Variants in ZNF83 observed in about 807,000 individuals in gnomAD.
The protein encoded by ZNF83 is zinc finger protein 816B.
For missense variants in ZNF83, 552 were observed against 629.9 expected, an observed-to-expected ratio of 0.88 and a Z score of 1.32; for synonymous variants, 209 against 213.0, an observed-to-expected ratio of 0.98 and a Z score of 0.17.
chr19:52,663,728 A>C (rs2061609028), intron 1 of ZNF83, among the ~76,000 whole-genome samples: 1 of 152,260 alleles, frequency 6.6e-6, no homozygotes. Context: ...TGAACACAAT[A>C]AATTTCAGAG....
intron 1 of ZNF83, among the ~76,000 whole-genome samples, chr19:52,661,575 C>G (rs1373433033): frequency 6.6e-6 from 1 of 152,178 alleles, no homozygotes; most frequent in Non-Finnish European, 1.5e-5. Context: ...TAATAGCAAT[C>G]TTTGATAGAA....
intron 2 of ZNF83, among the ~76,000 whole-genome samples, chr19:52,629,815 T>C (rs1168995031): frequency 6.6e-6 from 1 of 152,066 alleles, no homozygotes; most frequent in Non-Finnish European, 1.5e-5. Context: ...TATTACCCAA[T>C]CTGCTCCCGA....
At chr19:52,639,413 C>CTTTTTTTT (rs1206783591), upstream of ZNF83, among the ~76,000 whole-genome samples, 481 of 53,474 alleles carry the variant, frequency 9.0e-3, 3 homozygotes, top group African/African-American at 0.011. Flanking sequence ...TTAGTTTTTT[C>CTTTTTTTT]TATTTTTTTT....
chr19:52,623,378 C>T (rs1463562757), intron 2 of ZNF83, among the ~76,000 whole-genome samples: 7 of 152,170 alleles, frequency 4.6e-5, no homozygotes, highest in Admixed American at 4.6e-4. Context: ...TCCCTTGCCT[C>T]CATAACTGTT....
chr19:52,678,973 C>CA (rs11365430), intron 1 of ZNF83, among the ~76,000 whole-genome samples: 1,890 of 138,386 alleles, frequency 0.014, 15 homozygotes, highest in Non-Finnish European at 0.019. Flanking sequence ...GACTCCATCT[C>CA]AAAAAAAAAA....
intron 2 of ZNF83, among the ~76,000 whole-genome samples, chr19:52,633,691 A>G (rs923726607): frequency 4.6e-5 from 7 of 152,156 alleles, no homozygotes; most frequent in Admixed American, 3.9e-4. Context: ...CAGGCGGATC[A>G]CCTGAGGTCG....
rs2061462550 is a variant in ZNF83 at position 52,652,990 on chromosome 19, C to T, written c.-74+2571G>A. On this transcript the variant is annotated intron_variant, in intron 3 of 5. Coordinates refer to the ZNF83 transcript ENST00000594682. ...CTCATTACACCTGTAAGGTTTCTCT[C>T]CAGTATGAACTCTCTGATGTTGTGC... 1.4e-5 allele frequency: 19 copies of T among 1,363,634 alleles called. No individual in the cohort carries two copies. The South Asian group carries it at 2.1e-4, about 15-fold the overall frequency. The allele number at this position is 1,363,634 out of a possible 1,614,324, so 84.5% of individuals were successfully genotyped here.
chr19:52,660,373 AAC>A (rs1340103429), intron 2 of ZNF83, among the ~76,000 whole-genome samples: 1 of 151,884 alleles, frequency 6.6e-6, no homozygotes, highest in Non-Finnish European at 1.5e-5. Context: ...TATTCTTAGC[AAC>A]AGTGAAAAAC....
chr19:52,667,888 C>T (rs528896289), intron 1 of ZNF83, among the ~76,000 whole-genome samples: 71 of 152,038 alleles, frequency 4.7e-4, no homozygotes, highest in Non-Finnish European at 8.7e-4. Context: ...TGAAATGTAG[C>T]TTATCTGGTA....
chr19:52,686,565 T>C (rs1168388164), intron 1 of ZNF83, among the ~76,000 whole-genome samples: 1 of 151,608 alleles, frequency 6.6e-6, no homozygotes, highest in African/African-American at 2.4e-5. Flanking sequence ...CCCTTTTATT[T>C]TTTATTTTTT....
Position 52,656,608 on chromosome 19 carries a change from C to T in ZNF83, c.-200-921G>A, listed in dbSNP as rs950612709. On this transcript the variant is annotated intron_variant, in intron 2 of 5. Coordinates refer to the ZNF83 transcript ENST00000594682. The stretch of plus-strand genomic sequence containing the variant: ...CTTGGCTTGGCATGGTGGCTCACAC[C>T]TATAATCCGAACACTTATGGAGGCT... Among the ~76,000 whole-genome samples the T allele has an allele frequency of 2.6e-5, 4 of 152,226 alleles. No homozygotes were observed. The East Asian group carries it at 7.7e-4, about 29-fold the overall frequency.
chr19:52,639,126 G>C (rs1429644755), upstream of ZNF83, among the ~76,000 whole-genome samples: 1 of 152,114 alleles, frequency 6.6e-6, no homozygotes, highest in Non-Finnish European at 1.5e-5. Flanking sequence ...TCTTGAGATG[G>C]AGTTTTGCTC....
At chr19:52,688,549 T>C (rs1442766689) in intron 1 of ZNF83, among the ~76,000 whole-genome samples, 1 of 151,830 alleles carries the variant, frequency 6.6e-6, no homozygotes, top group Non-Finnish European at 1.5e-5. Context: ...CTCTAGCTCT[T>C]GTTTTATTTT....
intron 1 of ZNF83, among the ~76,000 whole-genome samples, chr19:52,668,499 G>A (rs1429175838): frequency 6.6e-6 from 1 of 152,132 alleles, no homozygotes; most frequent in East Asian, 1.9e-4. Flanking sequence ...AGAGGTCACT[G>A]GAAAGGATCC....
At chr19:52,621,597 G>T (rs1001399487) in intron 2 of ZNF83, among the ~76,000 whole-genome samples, 2 of 134,592 alleles carry the variant, frequency 1.5e-5, no homozygotes, top group Admixed American at 7.8e-5. Flanking sequence ...CACTCTCTCT[G>T]TGTCTCTACC....
chr19:52,671,675 T>TCAAGCGATCAACC (rs1377227001), intron 1 of ZNF83, among the ~76,000 whole-genome samples: 1 of 152,186 alleles, frequency 6.6e-6, no homozygotes, highest in Non-Finnish European at 1.5e-5. Context: ...ACTCCTGGAC[T>TCAAGCGATCAACC]CAAGCGATCA....
Position 52,620,270 on chromosome 19 carries a change from C to CTGTGTGTGTGTGTGTGTGTGTGTG in ZNF83, c.-233-5474_-233-5473insCACACACACACACACACACACACA, listed in dbSNP as rs377267661. Among the ~76,000 whole-genome samples, 771 of 144,242 alleles carry CTGTGTGTGTGTGTGTGTGTGTGTG rather than the reference C, an allele frequency of 5.3e-3. 5 individuals are homozygous for CTGTGTGTGTGTGTGTGTGTGTGTG. The highest frequency in any genetic ancestry group is 0.015 in the African/African-American group (557 of 38,220). 94.6% of individuals were successfully genotyped at this position (144,242 alleles called of 152,430 possible). A position where few individuals can be genotyped will look rare whatever the true frequency, so the allele number is the denominator to read the frequency against. On this transcript the variant is annotated intron_variant, in intron 2 of 2. Transcript: ENST00000301096. The stretch of plus-strand genomic sequence containing the variant: ...TGTGTATATCTGTGTGTGTATATCT[C>CTGTGTGTGTGTGTGTGTGTGTGTG]TGTGTGTGTGTGTGTGTGTGTGTAT...
Position 52,687,584 on chromosome 19 carries a change from A to ATATATATAATGTATATATATAATG in ZNF83, c.-283+2858_-283+2859insCATTATATATATACATTATATATA, listed in dbSNP as rs1555792719. On this transcript the variant is annotated intron_variant, in intron 1 of 5. Coordinates refer to the ZNF83 transcript ENST00000594682. The stretch of plus-strand genomic sequence containing the variant: ...TTTTATATATATATAAATTTTATAT[A>ATATATATAATGTATATATATAATG]TATATATATATAATGTATATATATA... Among the ~76,000 whole-genome samples, 12 of 37,330 alleles carry ATATATATAATGTATATATATAATG rather than the reference A, an allele frequency of 3.2e-4. 3 individuals are homozygous for ATATATATAATGTATATATATAATG. In the African/African-American group the frequency reaches 3.3e-3, roughly 10 times the overall value. The allele number at this position is 37,330 out of a possible 152,430, so 24.5% of individuals were successfully genotyped here. A position where few individuals can be genotyped will look rare whatever the true frequency, so the allele number is the denominator to read the frequency against.
chr19:52,630,228 C>T (rs978140292), intron 2 of ZNF83, among the ~76,000 whole-genome samples: 9 of 152,230 alleles, frequency 5.9e-5, no homozygotes, highest in Non-Finnish European at 1.2e-4. Flanking sequence ...CCCAGATCTT[C>T]TTGGCTTAGT....
Sources: gnomAD v4.1 joint callset for allele counts (sites outside exome capture counted in the v4.1 genomes callset) on GRCh38, gnomAD v4.1.1 for gene constraint, MANE v1.5 for transcripts, NCBI Gene and HGNC (gene_info 2026-07-23, HGNC 2026-07-21) for gene names.